The following ADCY1 variants were observed in gnomAD, a reference collection of about 807,000 sequenced individuals.
The protein encoded by ADCY1 is adenylate cyclase 1, also known as adenylate cyclase type 1.
In ADCY1, 28 loss-of-function variants were observed where a neutral mutation model predicts 105.4. The ratio of observed to expected loss-of-function variants is 0.27; its 90% CI spans 0.20 to 0.36. ADCY1 has a LOEUF of 0.36. Among genes scored for constraint, ADCY1 ranks in the 10% least tolerant of loss-of-function variants. The pLI, the probability that ADCY1 is intolerant of heterozygous loss-of-function variation, is 1.00. For synonymous variants in ADCY1, 655 were observed against 623.8 expected, an observed-to-expected ratio of 1.05 and a Z score of -0.75; for missense variants, 977 against 1,434.2, an observed-to-expected ratio of 0.68 and a Z score of 5.15.
At chr7:45,627,956 C>T (rs529175359) in intron 4 of ADCY1, among the ~76,000 whole-genome samples, 156 of 152,226 alleles carry the variant, frequency 1.0e-3, no homozygotes, top group Non-Finnish European at 2.0e-3. Context: ...CCAAGACCCC[C>T]GGCGCCCACT....
chr7:45,588,749 G>A (rs1396176019), intron 1 of ADCY1, among the ~76,000 whole-genome samples: 1 of 152,150 alleles, frequency 6.6e-6, no homozygotes, highest in Non-Finnish European at 1.5e-5. Context: ...CGGCTGTCTG[G>A]CTGAGTTAAT....
intron 14 of ADCY1, among the ~76,000 whole-genome samples, chr7:45,692,571 G>T (rs1279394924): frequency 6.6e-6 from 1 of 152,300 alleles, no homozygotes; most frequent in South Asian, 2.1e-4. Context: ...GCTAGGTGGG[G>T]TAAGTATGTC....
intron 14 of ADCY1, among the ~76,000 whole-genome samples, chr7:45,695,427 G>A (rs1467300843): frequency 1.3e-5 from 2 of 152,174 alleles, no homozygotes; most frequent in African/African-American, 4.8e-5. Context: ...CACTCTCATG[G>A]ATGCCATGCA....
Position 45,660,072 on chromosome 7 carries a change from G to A in ADCY1, c.1338G>A (p.Ala446=), listed in dbSNP as rs779884375. ...TTCATATCACAAAGACGACCCTAGC[G>A]TGCTTGAATGGGGACTACGAGGTAG... ...GKVHITKTTL[A]CLNGDYEVEP... Residue 446 remains alanine (A), a synonymous_variant, in exon 7 of 20, where the codon GCG becomes GCA. Transcript: ENST00000297323. The A allele has an allele frequency of 8.7e-6, 14 of 1,614,214 alleles. No individual in the cohort carries two copies. Among genetic ancestry groups the A allele is most frequent in the Admixed American group, 3.3e-5 (2 of 60,032 alleles).
At chr7:45,610,552 G>T in intron 3 of ADCY1, 55 bp downstream of exon 3, 1 of 1,485,724 alleles carries the variant, frequency 6.7e-7, no homozygotes, top group African/African-American at 1.4e-5. Context: ...GAGGTGTGGA[G>T]ATAATGGTGA....
intron 4 of ADCY1, among the ~76,000 whole-genome samples, chr7:45,625,438 C>T (rs1158837996): frequency 6.6e-6 from 1 of 152,092 alleles, no homozygotes; most frequent in Non-Finnish European, 1.5e-5. Flanking sequence ...GATGTGTGTG[C>T]CTGTACATAT....
chr7:45,597,270 G>A (rs556769018), intron 2 of ADCY1, among the ~76,000 whole-genome samples: 1 of 152,186 alleles, frequency 6.6e-6, no homozygotes, highest in South Asian at 2.1e-4. Flanking sequence ...CCCTTGCTTC[G>A]AGCCTCCTGG....
At chr7:45,666,311 G>A (rs1307971266) in intron 8 of ADCY1, among the ~76,000 whole-genome samples, 1 of 152,106 alleles carries the variant, frequency 6.6e-6, no homozygotes, top group Non-Finnish European at 1.5e-5. Context: ...ACAGGCCCTG[G>A]GGTGTGATGT....
intron 4 of ADCY1, among the ~76,000 whole-genome samples, chr7:45,623,019 A>G (rs922598143): frequency 2.0e-5 from 3 of 152,226 alleles, no homozygotes; most frequent in African/African-American, 7.2e-5. Context: ...TTTGTTGTGC[A>G]GGCCATACGT....
intron 3 of ADCY1, among the ~76,000 whole-genome samples, chr7:45,621,277 G>T (rs1243676201): frequency 6.6e-6 from 1 of 152,096 alleles, no homozygotes; most frequent in East Asian, 1.9e-4. Flanking sequence ...TGTTGCTCAG[G>T]CTGGTCTCGA....
intron 6 of ADCY1, 45 bp from the exon 7 acceptor site, chr7:45,659,997 G>A (rs564675096): frequency 6.2e-7 from 1 of 1,610,958 alleles, no homozygotes; most frequent in East Asian, 2.2e-5. Context: ...GACTCTGACA[G>A]CAGTGGTTCC....
Position 45,574,579 on chromosome 7 carries a change from A to AGGC in ADCY1, c.41_43dup (p.Gly14dup). On this transcript the variant is annotated inframe_insertion, in exon 1 of 20. Coordinates refer to ENST00000297323, the MANE Select transcript of ADCY1 (RefSeq NM_021116.4). This position sits in a 1 kb window ranked among gnomAD's most constrained non-coding sequence, Gnocchi z 7.0. The stretch of plus-strand genomic sequence containing the variant: ...CGCCGCGCGGCGGAGGCGGCGGCGG[A>AGGC]GGCGGCGCGGGCGAGCCCGGGGGCG... The AGGC allele has an allele frequency of 1.0e-6, 1 of 1,000,184 alleles. No homozygotes were observed. The highest frequency in any genetic ancestry group is 1.2e-6 in the Non-Finnish European group (1 of 843,724). 62.0% of individuals were successfully genotyped at this position (1,000,184 alleles called of 1,614,324 possible). A position where few individuals can be genotyped will look rare whatever the true frequency, so the allele number is the denominator to read the frequency against.
chr7:45,590,826 G>C (rs537720456), intron 1 of ADCY1, among the ~76,000 whole-genome samples: 56 of 152,294 alleles, frequency 3.7e-4, no homozygotes, highest in Middle Eastern at 3.4e-3. Context: ...AGAGGGTGTG[G>C]TCAGGGTGGT....
At chr7:45,607,773 TC>T (rs753290264) in intron 2 of ADCY1, among the ~76,000 whole-genome samples, 142 of 152,238 alleles carry the variant, frequency 9.3e-4, no homozygotes, top group Non-Finnish European at 1.8e-3. Flanking sequence ...GGACATCATT[TC>T]ATTCTTTTTT....
chr7:45,597,857 G>C (rs1435279087), intron 2 of ADCY1, among the ~76,000 whole-genome samples: 3 of 152,220 alleles, frequency 2.0e-5, no homozygotes, highest in African/African-American at 7.2e-5. Flanking sequence ...TGTCTGTCTG[G>C]AAAGTTCTCT....
chr7:45,621,352 C>T (rs1793882468), intron 3 of ADCY1, among the ~76,000 whole-genome samples: 1 of 152,218 alleles, frequency 6.6e-6, no homozygotes, highest in Non-Finnish European at 1.5e-5. Flanking sequence ...AGGCATGAGC[C>T]ACCATGCCCT....
intron 3 of ADCY1, among the ~76,000 whole-genome samples, chr7:45,615,570 G>A (rs1793716048): frequency 6.6e-6 from 1 of 152,134 alleles, no homozygotes; most frequent in Non-Finnish European, 1.5e-5. Context: ...CTCTACTCCA[G>A]CAGCCTGGGT....
intron 14 of ADCY1, among the ~76,000 whole-genome samples, chr7:45,701,737 A>G (rs563608400): frequency 6.6e-6 from 1 of 152,298 alleles, no homozygotes; most frequent in African/African-American, 2.4e-5. Flanking sequence ...CCCGGAGACC[A>G]TCTGAGGCTG....
At chr7:45,622,390 T>C (rs1793924904) in intron 3 of ADCY1, among the ~76,000 whole-genome samples, 1 of 152,048 alleles carries the variant, frequency 6.6e-6, no homozygotes, top group Non-Finnish European at 1.5e-5. Context: ...GATGGCGAGC[T>C]CTGAATGGCC....
Sources: allele counts gnomAD v4.1 joint callset (sites outside exome capture counted in the v4.1 genomes callset), GRCh38; gene constraint gnomAD v4.1.1; non-coding constraint Gnocchi (gnomAD v3.1); transcripts MANE v1.5; gene names NCBI Gene and HGNC (gene_info 2026-07-23, HGNC 2026-07-21).